Variants in LMLN observed in about 807,000 individuals in gnomAD.
LMLN encodes the protein leishmanolysin-like peptidase.
Under a neutral mutation model 92.3 loss-of-function variants are expected in LMLN, and 70 were observed. That is an observed-to-expected ratio of 0.76 (90% CI 0.63 to 0.92). The LOEUF (loss-of-function observed/expected upper bound fraction) is 0.92. Among genes scored for constraint, LMLN ranks in the 40% least tolerant of loss-of-function variants. LMLN has a pLI of 0.00. For missense variants in LMLN, 691 were observed against 814.6 expected, an observed-to-expected ratio of 0.85 and a Z score of 1.85; for synonymous variants, 308 against 296.2, an observed-to-expected ratio of 1.04 and a Z score of -0.41.
chr3:198,021,242 C>G (rs1259756933), intron 12 of LMLN, among the ~76,000 whole-genome samples: 1 of 152,110 alleles, frequency 6.6e-6, no homozygotes, highest in Non-Finnish European at 1.5e-5. Context: ...ACTTACCTTG[C>G]TTATTTGTAA....
At chr3:197,980,276 C>G (rs1039072303) in intron 5 of LMLN, 50 bp from the exon 6 acceptor site, 1 of 1,496,414 alleles carries the variant, frequency 6.7e-7, no homozygotes, top group Admixed American at 1.9e-5. Flanking sequence ...AATGCCACTA[C>G]AGCTAACTTT....
chr3:198,037,737 TAA>T (rs1723272680), intron 15 of LMLN, among the ~76,000 whole-genome samples: 2 of 152,234 alleles, frequency 1.3e-5, no homozygotes, highest in African/African-American at 4.8e-5. Flanking sequence ...CCTACTGCTA[TAA>T]AAATATTTCC....
chr3:197,992,760 G>A (rs553230044), intron 9 of LMLN, among the ~76,000 whole-genome samples: 13 of 151,834 alleles, frequency 8.6e-5, no homozygotes, highest in African/African-American at 3.1e-4. Context: ...TTGAAGAGGA[G>A]GGATTACTTC....
At chr3:198,005,874 T>G (rs558017729) in intron 11 of LMLN, among the ~76,000 whole-genome samples, 2 of 152,202 alleles carry the variant, frequency 1.3e-5, no homozygotes, top group South Asian at 4.1e-4. Flanking sequence ...CCCAGCACTT[T>G]GGGAGGCCGA....
intron 11 of LMLN, among the ~76,000 whole-genome samples, chr3:198,013,550 T>C (rs1463305157): frequency 3.8e-4 from 37 of 98,146 alleles, no homozygotes; most frequent in Admixed American, 7.8e-4. Context: ...CTTCAAAGCC[T>C]CCTAACTAGT....
chr3:198,014,783 C>G (rs1722573133), intron 11 of LMLN, among the ~76,000 whole-genome samples: 2 of 135,648 alleles, frequency 1.5e-5, no homozygotes, highest in South Asian at 2.5e-4. Context: ...CCTAACTAGT[C>G]TGACTTCTCT....
intron 14 of LMLN, among the ~76,000 whole-genome samples, chr3:198,033,400 A>T (rs1160437773): frequency 2.7e-5 from 3 of 111,454 alleles, no homozygotes; most frequent in Admixed American, 1.5e-4. Context: ...AGTATTTTAT[A>T]AAAAAAATTA....
At chr3:197,996,255 C>T in exon 10 of LMLN, 1 of 1,600,448 alleles carries the variant, frequency 6.2e-7, no homozygotes. Context: ...GCACTGAGCT[C>T]AACCATTGGG....
At chr3:198,043,409 C>G (rs977605691) in exon 16 of LMLN, 6 of 152,732 alleles carry the variant, frequency 3.9e-5, no homozygotes, top group Admixed American at 3.3e-4. Context: ...CAGGAGGAGA[C>G]GGGCCTCAGT....
In LMLN at chr3:197,999,501, CCATT is replaced by C. The variant is rs1341656330; in HGVS notation, c.1232+169_1232+172del. ...TAGCTGTCCGTTATTCATACCAACTCCATTCATTCATTCGTTCATTCAATAAATA... is the reference window on the plus strand; with the variant it reads ...TAGCTGTCCGTTATTCATACCAACTCCATTCATTCGTTCATTCAATAAATA... On this transcript the variant is annotated intron_variant, in intron 11 of 15. Coordinates refer to ENST00000330198, the Ensembl canonical transcript of LMLN. 3.8e-5 allele frequency: 23 copies of C among 603,896 alleles called. No homozygotes were observed. In the South Asian group the frequency reaches 3.9e-4, roughly 10 times the overall value. 37.4% of individuals were successfully genotyped at this position (603,896 alleles called of 1,614,324 possible). A position where few individuals can be genotyped will look rare whatever the true frequency, so the allele number is the denominator to read the frequency against.
At chr3:197,996,254 T>C in exon 10 of LMLN, 2 of 1,601,972 alleles carry the variant, frequency 1.2e-6, no homozygotes, top group East Asian at 2.3e-5. Flanking sequence ...GGCACTGAGC[T>C]CAACCATTGG....
At chr3:198,027,059 G>A (rs984783893) in intron 14 of LMLN, among the ~76,000 whole-genome samples, 1 of 152,116 alleles carries the variant, frequency 6.6e-6, no homozygotes, top group Non-Finnish European at 1.5e-5. Flanking sequence ...TGGAGACCTT[G>A]TCTGATACCA....
In LMLN at chr3:197,960,644, G is replaced by A. The variant is rs1205608471; in HGVS notation, c.219+204G>A. 3.3e-5 allele frequency among the ~76,000 whole-genome samples: 5 copies of A among 152,160 alleles called. 1 individual carries two copies. The highest frequency in any genetic ancestry group is 3.3e-4 in the Admixed American group (5 of 15,280). On this transcript the variant is annotated intron_variant, in intron 1 of 15. Transcript: ENST00000330198. ...AGGCGCTCAGAACAGTATCACTTCT[G>A]TGCGGAGGGTTGTGCTTAGCAGTAG...
At chr3:197,980,257 A>G (rs766231748) in intron 5 of LMLN, 69 bp from the exon 6 acceptor site, 54 of 1,316,682 alleles carry the variant, frequency 4.1e-5, no homozygotes, top group Middle Eastern at 5.2e-4. Flanking sequence ...AGATTTTACT[A>G]TAAGATTAAA....
chr3:197,990,772 A>ATATT (rs150387425), intron 9 of LMLN, 96 bp downstream of exon 9: 160,613 of 602,298 alleles, frequency 0.27, 29,423 homozygotes, highest in African/African-American at 0.75. Context: ...AGAACTTATA[A>ATATT]TTAGAGCCTA....
chr3:197,993,898 G>T (rs926102372), intron 9 of LMLN, among the ~76,000 whole-genome samples: 1 of 152,092 alleles, frequency 6.6e-6, no homozygotes, highest in African/African-American at 2.4e-5. Context: ...CATGGTCCTG[G>T]CATAAAAATA....
intron 5 of LMLN, among the ~76,000 whole-genome samples, chr3:197,977,292 A>C (rs1387886399): frequency 1.3e-5 from 2 of 152,250 alleles, no homozygotes; most frequent in East Asian, 3.8e-4. Context: ...GTTGCGAATC[A>C]GTATGCAGTT....
chr3:197,960,236 C>G (rs201375995), exon 1 of LMLN: 50 of 1,609,524 alleles, frequency 3.1e-5, no homozygotes, highest in African/African-American at 6.7e-5. Flanking sequence ...TAACGACGCT[C>G]GGCCCGAAGA....
intron 8 of LMLN, among the ~76,000 whole-genome samples, chr3:197,988,481 C>CTTT (rs67505779): frequency 1.5e-3 from 65 of 42,034 alleles, no homozygotes; most frequent in African/African-American, 4.8e-3. Flanking sequence ...GGATTTACCC[C>CTTT]TTTTTTTTTT....
Sources: gnomAD v4.1 joint callset for allele counts (sites outside exome capture counted in the v4.1 genomes callset) on GRCh38, gnomAD v4.1.1 for gene constraint, MANE v1.5 for transcripts, NCBI Gene and HGNC (gene_info 2026-07-23, HGNC 2026-07-21) for gene names.